KIF26B: variants seen among roughly 807,000 people sequenced by gnomAD.
KIF26B encodes kinesin-like protein KIF26B.
Under a neutral mutation model 151.2 loss-of-function variants are expected in KIF26B, and 63 were observed. The ratio of observed to expected loss-of-function variants is 0.42; its 90% confidence interval spans 0.34 to 0.51. The LOEUF is 0.51. Ranked by LOEUF, KIF26B falls within the 20% of genes least tolerant of loss-of-function variation. KIF26B has a pLI of 0.07. For missense variants in KIF26B, 2,813 were observed against 2,913.6 expected, an observed-to-expected ratio of 0.97 and a Z score of 0.79; for synonymous variants, 1,357 against 1,262.1, an observed-to-expected ratio of 1.08 and a Z score of -1.59.
intron 5 of KIF26B, among the ~76,000 whole-genome samples, chr1:245,574,396 G>C (rs577644392): frequency 6.6e-6 from 1 of 152,066 alleles, no homozygotes; most frequent in African/African-American, 2.4e-5. Flanking sequence ...TGCCCGCCTC[G>C]ACCTCCCAAA....
Position 245,321,293 on chromosome 1 carries a change from G to A in KIF26B, c.466-45541G>A, listed in dbSNP as rs531271999. ...TGTTGAGCCTTGATGTGTTTCCTTCGTTGGTTTTATCAATAACAACGAACA... is the reference window on the plus strand; with the variant it reads ...TGTTGAGCCTTGATGTGTTTCCTTCATTGGTTTTATCAATAACAACGAACA... On this transcript the variant is annotated intron_variant, in intron 2 of 14. Transcript: ENST00000407071. 1.2e-4 allele frequency among the ~76,000 whole-genome samples: 18 copies of A among 152,220 alleles called. No homozygotes were observed. In the East Asian group the frequency reaches 2.7e-3, roughly 23 times the overall value.
At chr1:245,253,507 C>G (rs909820590) in intron 2 of KIF26B, among the ~76,000 whole-genome samples, 1 of 151,992 alleles carries the variant, frequency 6.6e-6, no homozygotes, top group Non-Finnish European at 1.5e-5. Flanking sequence ...TTCTTGCACT[C>G]CCTTCATTTA....
At position 245,686,439 on chromosome 1, in the gene KIF26B, CGAT is replaced by C. The variant is rs753295761; in HGVS notation, c.3462_3464del (p.Asp1154del). 2 of 1,613,370 alleles carry C rather than the reference CGAT, an allele frequency of 1.2e-6. No homozygotes were observed. Among genetic ancestry groups the C allele is most frequent in the Admixed American group, 1.7e-5 (1 of 60,024 alleles). Reference sequence around the variant, plus strand: ...GCGAAGGGTTCCCGGAAACTCCTGTCGATGATGAGCAGCAGGCAGCTACTCCTT... The same window carrying C: ...GCGAAGGGTTCCCGGAAACTCCTGTCGATGAGCAGCAGGCAGCTACTCCTT... On this transcript the variant is annotated inframe_deletion, in exon 12 of 15. Transcript: ENST00000407071. This position sits in a 1 kb window ranked among gnomAD's most constrained non-coding sequence, Gnocchi z 5.6.
At chr1:245,436,920 T>C (rs1658949517) in intron 4 of KIF26B, among the ~76,000 whole-genome samples, 1 of 141,146 alleles carries the variant, frequency 7.1e-6, no homozygotes, top group South Asian at 2.3e-4. Flanking sequence ...TGAGTCTTGC[T>C]CTGTTGTCCA....
At chr1:245,191,941 C>G (rs1162698431) in intron 2 of KIF26B, among the ~76,000 whole-genome samples, 1 of 152,132 alleles carries the variant, frequency 6.6e-6, no homozygotes, top group African/African-American at 2.4e-5. Flanking sequence ...ATGTGATATT[C>G]TTTCATATAA....
At chr1:245,398,716 CA>C (rs890817946) in intron 3 of KIF26B, among the ~76,000 whole-genome samples, 14 of 151,398 alleles carry the variant, frequency 9.2e-5, no homozygotes, top group Admixed American at 7.9e-4. Context: ...GTAAAGTCCT[CA>C]AAAAATTATA....
chr1:245,342,073 T>G (rs768388930), intron 2 of KIF26B, among the ~76,000 whole-genome samples: 21 of 152,230 alleles, frequency 1.4e-4, no homozygotes, highest in South Asian at 1.0e-3. Context: ...TGGGAAACCA[T>G]ACCAGGTGAC....
Position 245,686,663 on chromosome 1 carries a change from G to C in KIF26B, c.3680G>C (p.Arg1227Pro). ...GCACGGGCCCTGGCCTCGGGCTCGC[G>C]GCCCGTCAGCATCATCAGCAGCATC... ...CSARALASGS[R>P]PVSIISSISE... Residue 1227 changes from arginine to proline, a missense_variant, in exon 12 of 15, where the codon CGG becomes CCG. Physicochemically the swap from Arg to Pro is moderately radical, Grantham distance 103 (BLOSUM62 -2). This residue lies in a region of KIF26B where 2,060 missense variants were observed against 2,088.6 expected (regional missense o/e 0.99). Transcript: ENST00000407071. The surrounding 1 kb of genome is among the most constrained non-coding windows in gnomAD (Gnocchi z 5.6). 1 of 1,611,484 alleles carries C rather than the reference G, an allele frequency of 6.2e-7. No individual in the cohort carries two copies. The highest frequency in any genetic ancestry group is 1.1e-5 in the South Asian group (1 of 90,748).
intron 12 of KIF26B, among the ~76,000 whole-genome samples, chr1:245,689,615 T>A (rs889307076): frequency 6.6e-5 from 10 of 152,228 alleles, no homozygotes; most frequent in Non-Finnish European, 1.0e-4. Context: ...TGGAGTGCAA[T>A]GGCGTGATCT....
chr1:245,289,242 T>C (rs1671214789), intron 2 of KIF26B, among the ~76,000 whole-genome samples: 3 of 152,220 alleles, frequency 2.0e-5, no homozygotes, highest in Non-Finnish European at 4.4e-5. Context: ...GTAAATGTGG[T>C]TACAGGGTGG....
chr1:245,508,486 C>T (rs759025947), intron 4 of KIF26B, among the ~76,000 whole-genome samples: 9 of 151,906 alleles, frequency 5.9e-5, no homozygotes, highest in Admixed American at 2.0e-4. Context: ...GTGATCCTCC[C>T]GCCTCAACCT....
intron 10 of KIF26B, among the ~76,000 whole-genome samples, chr1:245,648,396 C>A (rs1044293217): frequency 1.3e-5 from 2 of 151,992 alleles, no homozygotes; most frequent in Admixed American, 6.6e-5. Flanking sequence ...CACCTATATT[C>A]CTGGCACTTT....
intron 2 of KIF26B, among the ~76,000 whole-genome samples, chr1:245,299,691 C>A (rs1172897894): frequency 1.3e-5 from 2 of 152,158 alleles, no homozygotes; most frequent in Admixed American, 6.5e-5. Context: ...TAACATTGGT[C>A]AGAGCTGGAT....
chr1:245,414,615 A>T (rs1274599657), intron 3 of KIF26B, among the ~76,000 whole-genome samples: 1 of 152,206 alleles, frequency 6.6e-6, no homozygotes, highest in Non-Finnish European at 1.5e-5. Flanking sequence ...GAACTGAGAA[A>T]GGGAATATGG....
At chr1:245,671,006 T>G (rs1042725862) in intron 10 of KIF26B, among the ~76,000 whole-genome samples, 5 of 152,302 alleles carry the variant, frequency 3.3e-5, no homozygotes, top group African/African-American at 1.2e-4. Flanking sequence ...CCCAATACCT[T>G]TCCCAGCCTC....
rs74163037 is a variant in KIF26B, at chr1:245,302,988, C to CAAAAAAA, written c.466-63827_466-63821dup. Among the ~76,000 whole-genome samples, 249 of 35,590 alleles carry CAAAAAAA rather than the reference C, an allele frequency of 7.0e-3. 10 individuals carry two copies. Among genetic ancestry groups the CAAAAAAA allele is most frequent in the East Asian group, 0.019 (17 of 896 alleles). The allele number at this position is 35,590 out of a possible 152,430, so 23.3% of individuals were successfully genotyped here. A position where few individuals can be genotyped will look rare whatever the true frequency, so the allele number is the denominator to read the frequency against. On this transcript the variant is annotated intron_variant, in intron 2 of 14. Transcript: ENST00000407071. ...TGGGCAATAGAGCAAGACTCTGTCT[C>CAAAAAAA]AAAAAAAAAAAAAAAAAAAAAAAAA...
chr1:245,391,583 G>C (rs1234730248), intron 3 of KIF26B, among the ~76,000 whole-genome samples: 1 of 151,396 alleles, frequency 6.6e-6, no homozygotes, highest in East Asian at 1.9e-4. Flanking sequence ...CTTGGGGCCA[G>C]GGGTTCACGG....
intron 2 of KIF26B, among the ~76,000 whole-genome samples, chr1:245,329,673 G>A (rs895066482): frequency 1.3e-5 from 2 of 152,056 alleles, no homozygotes; most frequent in Non-Finnish European, 2.9e-5. Context: ...CCCTTTCCAG[G>A]CTCCCAACTC....
intron 2 of KIF26B, among the ~76,000 whole-genome samples, chr1:245,283,941 C>T (rs1558374690): frequency 6.6e-6 from 1 of 152,180 alleles, no homozygotes; most frequent in Non-Finnish European, 1.5e-5. Flanking sequence ...CTGCCTTGGC[C>T]TCCCACAGTG....
Sources: gnomAD v4.1 joint callset for allele counts (sites outside exome capture counted in the v4.1 genomes callset) on GRCh38, gnomAD v4.1.1 for gene constraint, gnomAD v4.1.1 regional missense constraint, Gnocchi (gnomAD v3.1) non-coding constraint, MANE v1.5 for transcripts, NCBI Gene and HGNC (gene_info 2026-07-23, HGNC 2026-07-21) for gene names.